The following LUC7L3 variants were observed in gnomAD, a reference collection of about 807,000 sequenced individuals.
LUC7L3 encodes luc7-like protein 3.
Under a neutral mutation model 66.8 loss-of-function variants are expected in LUC7L3, and 6 were observed. That is an observed-to-expected ratio of 0.09 (90% confidence interval 0.05 to 0.18). The LOEUF (loss-of-function observed/expected upper bound fraction) is 0.18. LUC7L3 is among the 10% of genes least tolerant of loss of function. The pLI, the probability that LUC7L3 is intolerant of heterozygous loss-of-function variation, is 1.00. For synonymous variants in LUC7L3, 160 were observed against 174.7 expected, an observed-to-expected ratio of 0.92 and a Z score of 0.66; for missense variants, 341 against 531.1, an observed-to-expected ratio of 0.64 and a Z score of 3.52.
At chr17:50,733,889 G>A (rs931837427) in intron 1 of LUC7L3, among the ~76,000 whole-genome samples, 1 of 152,156 alleles carries the variant, frequency 6.6e-6, no homozygotes, top group African/African-American at 2.4e-5. Context: ...AGTAAAAGTG[G>A]CATAATTGTT....
intron 1 of LUC7L3, among the ~76,000 whole-genome samples, chr17:50,720,580 C>T (rs370266919): frequency 6.6e-6 from 1 of 152,204 alleles, no homozygotes; most frequent in Non-Finnish European, 1.5e-5. Context: ...TTCTCTGCAC[C>T]TACTGTAGCA....
At chr17:50,736,199 A>G (rs1473163355) in intron 1 of LUC7L3, among the ~76,000 whole-genome samples, 1 of 152,238 alleles carries the variant, frequency 6.6e-6, no homozygotes, top group Non-Finnish European at 1.5e-5. Flanking sequence ...GAAAGGTGAT[A>G]TTTTGGAATT....
In LUC7L3 at chr17:50,751,795, CAAA is replaced by C. The variant is rs1398682819; in HGVS notation, c.*1135_*1137del. ...GACAGACACCTTCAATTTGTGAAAT[CAAA>C]GAACTGATGCACTATATAGAACGAA... On this transcript the variant is annotated 3_prime_UTR_variant, in exon 10 of 10. Transcript: ENST00000505658. The C allele has an allele frequency of 4.9e-6, 5 of 1,016,850 alleles. No homozygotes were observed. Among genetic ancestry groups the C allele is most frequent in the African/African-American group, 1.7e-5 (1 of 57,552 alleles). The allele number at this position is 1,016,850 out of a possible 1,614,324, so 63.0% of individuals were successfully genotyped here.
At chr17:50,725,811 A>G (rs990422896) in intron 1 of LUC7L3, among the ~76,000 whole-genome samples, 9 of 152,224 alleles carry the variant, frequency 5.9e-5, no homozygotes, top group African/African-American at 9.6e-5. Flanking sequence ...CTAGTTTATC[A>G]TTTTCCTACC....
chr17:50,719,928 G>A (rs1968623234), intron 1 of LUC7L3, 97 bp downstream of exon 1: 2 of 1,118,798 alleles, frequency 1.8e-6, no homozygotes, highest in East Asian at 5.5e-5. Context: ...TGTGGCCAGG[G>A]CCGCACCCGG....
At position 50,750,976 on chromosome 17, in the gene LUC7L3, G is replaced by T; in HGVS notation, c.*315G>T. Reference sequence around the variant, plus strand: ...GAAAAGTTAATTATCCTTTTTTTAGGGATTTTGATGTCATTTCTTTTTTTT... The same window carrying T: ...GAAAAGTTAATTATCCTTTTTTTAGTGATTTTGATGTCATTTCTTTTTTTT... On this transcript the variant is annotated 3_prime_UTR_variant, in exon 10 of 10. Transcript: ENST00000505658. 3 of 1,466,828 alleles carry T rather than the reference G, an allele frequency of 2.0e-6. No individual in the cohort carries two copies. The highest frequency in any genetic ancestry group is 2.7e-6 in the Non-Finnish European group (3 of 1,117,842). 90.9% of individuals were successfully genotyped at this position (1,466,828 alleles called of 1,614,324 possible). A position where few individuals can be genotyped will look rare whatever the true frequency, so the allele number is the denominator to read the frequency against.
At chr17:50,720,872 TA>T (rs1968701330) in intron 1 of LUC7L3, among the ~76,000 whole-genome samples, 4 of 152,212 alleles carry the variant, frequency 2.6e-5, no homozygotes, top group Non-Finnish European at 5.9e-5. Context: ...TTTAGGACTT[TA>T]AGAAAGAGTA....
chr17:50,751,894 T>C lies in LUC7L3; in HGVS notation c.*1233T>C. The C allele has an allele frequency of 2.0e-6, 2 of 1,017,112 alleles. No homozygotes were observed. Among genetic ancestry groups the C allele is most frequent in the Non-Finnish European group, 2.4e-6 (2 of 848,910 alleles). 63.0% of individuals were successfully genotyped at this position (1,017,112 alleles called of 1,614,324 possible). A position where few individuals can be genotyped will look rare whatever the true frequency, so the allele number is the denominator to read the frequency against. On this transcript the variant is annotated 3_prime_UTR_variant, in exon 10 of 10. Transcript: ENST00000505658. ...CTTAAAACCTGTAAACTTCATTCTG[T>C]GGGCTAGTGGTGTGGGACAAAATAT...
At chr17:50,743,840 T>C (rs9894501) in intron 6 of LUC7L3, 30 bp downstream of exon 6, 852,753 of 1,454,416 alleles carry the variant, frequency 0.59, 255,032 homozygotes, top group African/African-American at 0.87. Context: ...CATTATCTCA[T>C]CTGTCTGTTA....
intron 1 of LUC7L3, 85 bp downstream of exon 1, chr17:50,719,916 G>A: frequency 7.6e-7 from 1 of 1,317,630 alleles, no homozygotes; most frequent in South Asian, 1.4e-5. Flanking sequence ...GCCGCGGCGC[G>A]ATGTGGCCAG....
At position 50,751,022 on chromosome 17, in the gene LUC7L3, TG is replaced by T. The variant is rs898584297; in HGVS notation, c.*362del. 2.8e-6 allele frequency: 4 copies of T among 1,410,178 alleles called. No individual in the cohort carries two copies. Among genetic ancestry groups the T allele is most frequent in the African/African-American group, 1.6e-5 (1 of 61,516 alleles). 87.4% of individuals were successfully genotyped at this position (1,410,178 alleles called of 1,614,324 possible). On this transcript the variant is annotated 3_prime_UTR_variant, in exon 10 of 10. Transcript: ENST00000505658. The stretch of plus-strand genomic sequence containing the variant: ...TTTTTTTTTAATAAAAAGGTTGAAC[TG>T]TTTTTTTTTTTCTTTTTGGTATTAA...
intron 5 of LUC7L3, among the ~76,000 whole-genome samples, chr17:50,742,170 C>A (rs1018497344): frequency 6.6e-6 from 1 of 152,110 alleles, no homozygotes; most frequent in Admixed American, 6.5e-5. Context: ...TAGGGAAATA[C>A]AGATTAAAAC....
intron 3 of LUC7L3, 76 bp downstream of exon 3, chr17:50,740,421 T>C: frequency 7.5e-7 from 1 of 1,332,040 alleles, no homozygotes; most frequent in Admixed American, 2.1e-5. Context: ...GAGGAATAAT[T>C]GCAATTAAAT....
At chr17:50,746,152 TA>T in intron 8 of LUC7L3, 149 bp downstream of exon 8, 1 of 1,287,748 alleles carries the variant, frequency 7.8e-7, no homozygotes. Context: ...AATCAGTGAA[TA>T]AAATAGTTCC....
intron 2 of LUC7L3, 80 bp downstream of exon 2, chr17:50,737,106 T>C (rs1189736999): frequency 1.0e-6 from 1 of 961,862 alleles, no homozygotes; most frequent in African/African-American, 1.7e-5. Flanking sequence ...GGAAAAAAAC[T>C]GATTATAATT....
At chr17:50,728,405 A>G (rs564432168) in intron 1 of LUC7L3, among the ~76,000 whole-genome samples, 23 of 152,222 alleles carry the variant, frequency 1.5e-4, no homozygotes, top group Non-Finnish European at 1.8e-4. Flanking sequence ...AAATTCTTTT[A>G]TTAAAAATTA....
rs1394207830 is a variant in LUC7L3, at chr17:50,751,804, GA to G, written c.*1144del. The G allele has an allele frequency of 5.9e-6, 6 of 1,019,268 alleles. No individual in the cohort carries two copies. The highest frequency in any genetic ancestry group is 7.1e-6 in the Non-Finnish European group (6 of 849,892). 63.1% of individuals were successfully genotyped at this position (1,019,268 alleles called of 1,614,324 possible). On this transcript the variant is annotated 3_prime_UTR_variant, in exon 10 of 10. Coordinates refer to ENST00000505658, the MANE Select transcript of LUC7L3 (RefSeq NM_016424.5). ...CTTCAATTTGTGAAATCAAAGAACTGATGCACTATATAGAACGAATTTGGGT... is the reference window on the plus strand; with the variant it reads ...CTTCAATTTGTGAAATCAAAGAACTGTGCACTATATAGAACGAATTTGGGT...
intron 1 of LUC7L3, among the ~76,000 whole-genome samples, chr17:50,731,952 A>G (rs1969635288): frequency 6.6e-6 from 1 of 152,206 alleles, no homozygotes; most frequent in Non-Finnish European, 1.5e-5. Flanking sequence ...TGACAAATCC[A>G]GTGTCTTGGA....
At position 50,745,865 on chromosome 17, in the gene LUC7L3, A is replaced by G. The variant is rs1318675573; in HGVS notation, c.839A>G (p.Glu280Gly). The part of the protein sequence containing the change: ...RKRRREEEER[E>G]KERARDRERR... ...AGACGAAGGGAAGAGGAAGAAAGAGAAAAAGAAAGGGCTCGTGACAGAGAA... is the reference window on the plus strand; with the variant it reads ...AGACGAAGGGAAGAGGAAGAAAGAGGAAAAGAAAGGGCTCGTGACAGAGAA... Residue 280 changes from glutamate to glycine, a missense_variant, in exon 8 of 10, where the codon GAA (glutamate) becomes GGA (glycine). By Grantham distance (98) the Glu-to-Gly change is moderately conservative. Coordinates refer to ENST00000505658, the MANE Select transcript of LUC7L3 (RefSeq NM_016424.5). 1 of 1,603,678 alleles carries G rather than the reference A, an allele frequency of 6.2e-7. No individual in the cohort carries two copies.
Sources: gnomAD v4.1 joint callset for allele counts (sites outside exome capture counted in the v4.1 genomes callset) on GRCh38, gnomAD v4.1.1 for gene constraint, MANE v1.5 for transcripts, NCBI Gene and HGNC (gene_info 2026-07-23, HGNC 2026-07-21) for gene names.